Variants in OSBPL5 observed in about 807,000 individuals in gnomAD.
OSBPL5 encodes oxysterol-binding protein-related protein 5.
OSBPL5 carries 71 observed loss-of-function variants against 111.2 expected under a neutral mutation model. The ratio of observed to expected loss-of-function variants is 0.64; its 90% CI spans 0.53 to 0.78. OSBPL5 has a LOEUF of 0.78. Among genes scored for constraint, OSBPL5 ranks in the 30% least tolerant of loss-of-function variants. The pLI is 0.00. For missense variants in OSBPL5, 1,210 were observed against 1,189.3 expected, an observed-to-expected ratio of 1.02 and a Z score of -0.26; for synonymous variants, 549 against 513.9, an observed-to-expected ratio of 1.07 and a Z score of -0.93.
rs1846681854 is a variant in OSBPL5 at position 3,154,252 on chromosome 11, G to A, written c.-22+10964C>T. On this transcript the variant is annotated intron_variant, in intron 1 of 21. Coordinates refer to ENST00000263650, the MANE Select transcript of OSBPL5 (RefSeq NM_020896.4). This position sits in a 1 kb window ranked among gnomAD's most constrained non-coding sequence, Gnocchi z 4.9. ...CAGGATGCTGGGACCTGGAGAGCAC[G>A]GCCCTGCGTGCAGCACCTGCCAGTA... 1.3e-5 allele frequency among the ~76,000 whole-genome samples: 2 copies of A among 152,230 alleles called. No individual in the cohort carries two copies. The highest frequency in any genetic ancestry group is 2.9e-5 in the Non-Finnish European group (2 of 68,042).
intron 14 of OSBPL5, among the ~76,000 whole-genome samples, chr11:3,096,998 AGG>A (rs369508935): frequency 8.4e-5 from 11 of 131,082 alleles, no homozygotes; most frequent in South Asian, 2.9e-4. Context: ...GGAGGAGAAG[AGG>A]AAAGAGGGGG....
intron 1 of OSBPL5, among the ~76,000 whole-genome samples, chr11:3,147,715 T>G (rs1262079287): frequency 6.6e-6 from 1 of 152,076 alleles, no homozygotes. Flanking sequence ...TTTATGGGAG[T>G]GAGCGTGTCC....
Position 3,105,118 on chromosome 11 carries a change from G to A in OSBPL5, c.1060-741C>T, listed in dbSNP as rs1026050490. ...GCACCTCACCGCAGCCCCAGGGAAC[G>A]GGGACCCTGGTCCTCCCCCTCCACA... On this transcript the variant is annotated intron_variant, in intron 9 of 21. Transcript: ENST00000263650. This position sits in a 1 kb window ranked among gnomAD's most constrained non-coding sequence, Gnocchi z 5.2. Among the ~76,000 whole-genome samples the A allele has an allele frequency of 3.3e-5, 5 of 152,088 alleles. No individual in the cohort carries two copies. Among genetic ancestry groups the A allele is most frequent in the Non-Finnish European group, 5.9e-5 (4 of 67,996 alleles).
chr11:3,149,916 C>A (rs1029377593), intron 1 of OSBPL5, among the ~76,000 whole-genome samples: 1 of 152,198 alleles, frequency 6.6e-6, no homozygotes, highest in Non-Finnish European at 1.5e-5. Flanking sequence ...TGCTCACCAC[C>A]CCCTTCCCAG....
At position 3,107,122 on chromosome 11, in the gene OSBPL5, C is replaced by T; in HGVS notation, c.1059+141G>A. On this transcript the variant is annotated intron_variant, in intron 9 of 21. Coordinates refer to ENST00000263650, the MANE Select transcript of OSBPL5 (RefSeq NM_020896.4). The surrounding 1 kb of genome is among the most constrained non-coding windows in gnomAD (Gnocchi z 6.1). ...GTTTACCTAAAAGACAGCTCCTGGA[C>T]TCACTGCCAAGTGATGGGGACAAAA... 1.2e-6 allele frequency: 1 copy of T among 827,418 alleles called. No homozygotes were observed. Among genetic ancestry groups the T allele is most frequent in the Non-Finnish European group, 1.8e-6 (1 of 541,322 alleles). The allele number at this position is 827,418 out of a possible 1,614,324, so 51.3% of individuals were successfully genotyped here. A position where few individuals can be genotyped will look rare whatever the true frequency, so the allele number is the denominator to read the frequency against.
intron 7 of OSBPL5, among the ~76,000 whole-genome samples, chr11:3,112,241 G>T (rs561727143): frequency 1.3e-5 from 2 of 152,288 alleles, no homozygotes; most frequent in South Asian, 4.1e-4. Flanking sequence ...ACTGAATTCT[G>T]TTTCTTGATT....
In OSBPL5 at chr11:3,109,098, G is replaced by C; in HGVS notation, c.692-1153C>G. On this transcript the variant is annotated intron_variant, in intron 7 of 21. Coordinates refer to ENST00000263650, the MANE Select transcript of OSBPL5 (RefSeq NM_020896.4). The surrounding 1 kb of genome is among the most constrained non-coding windows in gnomAD (Gnocchi z 7.4). ...GTGTGTTTTTTGTTTTTGTTTTTTT[G>C]TTGTTTTGAGATGGAGTCTCGCTCT... Among the ~76,000 whole-genome samples the C allele has an allele frequency of 6.6e-6, 1 of 150,898 alleles. No individual in the cohort carries two copies. Among genetic ancestry groups the C allele is most frequent in the East Asian group, 2.0e-4 (1 of 5,084 alleles).
chr11:3,162,002 C>A lies in OSBPL5; in HGVS notation c.-22+3214G>T. ...AGGGGAGGGGAGGGGGAGAGGAGAACAAGGGAAGGGAGACAGAGTGGAGGG... is the reference window on the plus strand; with the variant it reads ...AGGGGAGGGGAGGGGGAGAGGAGAAAAAGGGAAGGGAGACAGAGTGGAGGG... On this transcript the variant is annotated intron_variant, in intron 1 of 21. Transcript: ENST00000263650. This position sits in a 1 kb window ranked among gnomAD's most constrained non-coding sequence, Gnocchi z 8.1. Among the ~76,000 whole-genome samples, 1 of 150,656 alleles carries A rather than the reference C, an allele frequency of 6.6e-6. No homozygotes were observed. The highest frequency in any genetic ancestry group is 1.5e-5 in the Non-Finnish European group (1 of 67,702).
rs2134383338 is a variant in OSBPL5, at chr11:3,092,360, G to A, written c.2259+72C>T. The A allele has an allele frequency of 1.4e-6, 2 of 1,479,566 alleles. No individual in the cohort carries two copies. Among genetic ancestry groups the A allele is most frequent in the South Asian group, 1.3e-5 (1 of 74,876 alleles). 91.7% of individuals were successfully genotyped at this position (1,479,566 alleles called of 1,614,324 possible). On this transcript the variant is annotated intron_variant, in intron 19 of 21. Coordinates refer to ENST00000263650, the MANE Select transcript of OSBPL5 (RefSeq NM_020896.4). The surrounding 1 kb of genome is among the most constrained non-coding windows in gnomAD (Gnocchi z 5.4). ...AGCGAGGGGAAGGGAGGAGTGAGGT[G>A]AGGAGCGAGGGGTGGTGGTGGCCAC...
intron 13 of OSBPL5, 56 bp downstream of exon 13, chr11:3,101,547 T>A: frequency 6.6e-7 from 1 of 1,520,506 alleles, no homozygotes; most frequent in Non-Finnish European, 9.1e-7. Context: ...CCCGGAGTCC[T>A]CCCGACCATC....
chr11:3,097,994 G>A (rs1307401360), intron 14 of OSBPL5, among the ~76,000 whole-genome samples: 6 of 152,158 alleles, frequency 3.9e-5, no homozygotes, highest in Non-Finnish European at 7.3e-5. Flanking sequence ...CTTGAACCCA[G>A]GTGGTGGAGG....
chr11:3,108,956 CA>C (rs1857810957), intron 7 of OSBPL5, among the ~76,000 whole-genome samples: 1 of 151,988 alleles, frequency 6.6e-6, no homozygotes, highest in South Asian at 2.1e-4. Context: ...TTAGTAGAGA[CA>C]GGGTTTCCTC....
At chr11:3,157,020 G>A (rs981000465) in intron 1 of OSBPL5, among the ~76,000 whole-genome samples, 3 of 152,248 alleles carry the variant, frequency 2.0e-5, no homozygotes, top group Admixed American at 1.3e-4. Context: ...ACTCCTCGGG[G>A]CCCCCAAGGG....
Position 3,161,606 on chromosome 11 carries a change from A to G in OSBPL5, c.-22+3610T>C, listed in dbSNP as rs1028575499. 6.6e-6 allele frequency among the ~76,000 whole-genome samples: 1 copy of G among 152,200 alleles called. No individual in the cohort carries two copies. The highest frequency in any genetic ancestry group is 2.4e-5 in the African/African-American group (1 of 41,452). On this transcript the variant is annotated intron_variant, in intron 1 of 21. Coordinates refer to ENST00000263650, the MANE Select transcript of OSBPL5 (RefSeq NM_020896.4). The surrounding 1 kb of genome is among the most constrained non-coding windows in gnomAD (Gnocchi z 8.0). ...GGAGCAGACTTGCAGGCAACCGTGC[A>G]TGGGGACAGACACCGCGCACCAGCG... is the stretch of plus-strand genomic sequence containing the variant.
At position 3,122,516 on chromosome 11, in the gene OSBPL5, G is replaced by A. The variant is rs896376383; in HGVS notation, c.220-88C>T. 5.6e-6 allele frequency: 7 copies of A among 1,242,264 alleles called. No individual in the cohort carries two copies. The African/African-American group carries it at 9.0e-5, about 16-fold the overall frequency. The allele number at this position is 1,242,264 out of a possible 1,614,324, so 77.0% of individuals were successfully genotyped here. A position where few individuals can be genotyped will look rare whatever the true frequency, so the allele number is the denominator to read the frequency against. On this transcript the variant is annotated intron_variant, in intron 3 of 21. Transcript: ENST00000263650. ...GGTTGGCCTGATGCCAAGGATATGA[G>A]GGCAGAAGTCAGAGAAGGGCGCTCC...
Position 3,106,788 on chromosome 11 carries a change from C to A in OSBPL5, c.1059+475G>T, listed in dbSNP as rs963737395. On this transcript the variant is annotated intron_variant, in intron 9 of 21. Transcript: ENST00000263650. The surrounding 1 kb of genome is among the most constrained non-coding windows in gnomAD (Gnocchi z 8.4). ...ATCTATGTTTCCTGCTGCCCATACA[C>A]TGGGGGCCCAGAGCCCAGGTCTGTC... Among the ~76,000 whole-genome samples, 30 of 152,210 alleles carry A rather than the reference C, an allele frequency of 2.0e-4. No homozygotes were observed. The highest frequency in any genetic ancestry group is 7.2e-4 in the African/African-American group (30 of 41,450).
In OSBPL5 at chr11:3,165,065, C is replaced by T. The variant is rs1847079261; in HGVS notation, c.-22+151G>A. Among the ~76,000 whole-genome samples, 1 of 150,796 alleles carries T rather than the reference C, an allele frequency of 6.6e-6. No individual in the cohort carries two copies. Among genetic ancestry groups the T allele is most frequent in the African/African-American group, 2.4e-5 (1 of 41,294 alleles). Reference sequence around the variant, plus strand: ...CCCCGCACTGGCTACTGCCAGGGTCCGCGGGGCTGCGGCGCGAGCTCCTGG... The same window carrying T: ...CCCCGCACTGGCTACTGCCAGGGTCTGCGGGGCTGCGGCGCGAGCTCCTGG... On this transcript the variant is annotated intron_variant, in intron 1 of 21. Transcript: ENST00000263650. The surrounding 1 kb of genome is among the most constrained non-coding windows in gnomAD (Gnocchi z 7.4).
At chr11:3,099,797 G>A (rs555090394) in intron 14 of OSBPL5, among the ~76,000 whole-genome samples, 6 of 152,096 alleles carry the variant, frequency 3.9e-5, no homozygotes, top group Non-Finnish European at 7.4e-5. Flanking sequence ...GGCTGGGCGC[G>A]GTGGCTCATG....
intron 1 of OSBPL5, among the ~76,000 whole-genome samples, chr11:3,135,133 C>T (rs947413163): frequency 5.3e-5 from 8 of 152,344 alleles, no homozygotes; most frequent in Admixed American, 2.0e-4. Context: ...CGCCCCCGTG[C>T]GTCTCTTTGG....
Sources: gnomAD v4.1 joint callset for allele counts (sites outside exome capture counted in the v4.1 genomes callset) on GRCh38, gnomAD v4.1.1 for gene constraint, Gnocchi (gnomAD v3.1) non-coding constraint, MANE v1.5 for transcripts, NCBI Gene and HGNC (gene_info 2026-07-23, HGNC 2026-07-21) for gene names.